Variants in COL9A3 observed in about 807,000 individuals in gnomAD.
COL9A3 encodes the protein collagen type IX alpha 3 chain, also known as collagen alpha-3(IX) chain.
A neutral mutation model predicts 110.2 loss-of-function variants in COL9A3; 82 were observed. The ratio of observed to expected loss-of-function variants is 0.74; its 90% confidence interval spans 0.62 to 0.89. COL9A3 has a LOEUF of 0.89. COL9A3 is among the 40% of genes least tolerant of loss of function. The pLI, the probability that COL9A3 is intolerant of heterozygous loss-of-function variation, is 0.00. For missense variants in COL9A3, 1,066 were observed against 981.3 expected (o/e 1.09, Z -1.15); for synonymous variants, 494 against 403.8 (o/e 1.22, Z -2.68).
At chr20:62,840,235 A>G (rs1283958289) in intron 31 of COL9A3, among the ~76,000 whole-genome samples, 1 of 138,070 alleles carries the variant, frequency 7.2e-6, no homozygotes, top group East Asian at 2.2e-4. Flanking sequence ...CCCCCTGCTC[A>G]CTCCAAATCC....
intron 17 of COL9A3, among the ~76,000 whole-genome samples, chr20:62,828,310 G>C (rs2063570395): frequency 1.3e-5 from 2 of 152,208 alleles, no homozygotes; most frequent in African/African-American, 4.8e-5. Context: ...CCCACCCTCA[G>C]CCCAGACCTG....
At chr20:62,827,864 A>T in intron 16 of COL9A3, 59 bp from the exon 17 acceptor site, 1 of 1,575,726 alleles carries the variant, frequency 6.3e-7, no homozygotes, top group Non-Finnish European at 8.7e-7. Flanking sequence ...TGGCCGGAGA[A>T]TGCGTGAGGC....
intron 12 of COL9A3, 127 bp from the exon 13 acceptor site, chr20:62,825,690 T>G: frequency 1.0e-6 from 1 of 970,044 alleles, no homozygotes; most frequent in Non-Finnish European, 1.6e-6. Context: ...TCACAGAGCC[T>G]CCAAGGCCCA....
chr20:62,840,464 T>C, intron 31 of COL9A3, 78 bp from the exon 32 acceptor site: 1 of 1,333,496 alleles, frequency 7.5e-7, no homozygotes, highest in Non-Finnish European at 1.1e-6. Context: ...AGAGCAGGGC[T>C]TGCCCACAGC....
At chr20:62,831,789 A>G (rs377672707) in intron 24 of COL9A3, 111 of 355,054 alleles carry the variant, frequency 3.1e-4, no homozygotes, top group South Asian at 3.0e-3. Flanking sequence ...ACTCCCAGAC[A>G]TGTCCTCATT....
chr20:62,820,622 G>A (rs913176476), intron 5 of COL9A3, among the ~76,000 whole-genome samples: 3 of 152,216 alleles, frequency 2.0e-5, no homozygotes, highest in Non-Finnish European at 4.4e-5. Context: ...GAAAACAGGA[G>A]GGAAACAGTA....
At chr20:62,830,195 C>T (rs1385674062) in intron 22 of COL9A3, among the ~76,000 whole-genome samples, 165 bp from the exon 23 acceptor site, 1 of 152,084 alleles carries the variant, frequency 6.6e-6, no homozygotes, top group Non-Finnish European at 1.5e-5. Flanking sequence ...CCTAAACTGC[C>T]CTGGGAGGTA....
chr20:62,830,250 G>C, intron 22 of COL9A3, 110 bp from the exon 23 acceptor site: 1 of 1,302,932 alleles, frequency 7.7e-7, no homozygotes, highest in Non-Finnish European at 1.1e-6. Context: ...GCTTAGAACC[G>C]GCTCCTGTGT....
intron 13 of COL9A3, 30 bp downstream of exon 13, chr20:62,825,900 G>A (rs1401604636): frequency 1.3e-6 from 2 of 1,554,056 alleles, no homozygotes; most frequent in African/African-American, 1.4e-5. Flanking sequence ...AGGATGGTGG[G>A]ATGGGAACTC....
At chr20:62,828,053 G>C (rs2063568615) in intron 17 of COL9A3, 77 bp downstream of exon 17, 3 of 1,487,558 alleles carry the variant, frequency 2.0e-6, no homozygotes, top group Non-Finnish European at 2.8e-6. Flanking sequence ...GCATTCAGAA[G>C]GGCTGGAGCT....
chr20:62,821,980 G>A (rs2147201031), intron 8 of COL9A3, 131 bp from the exon 9 acceptor site: 3 of 779,982 alleles, frequency 3.8e-6, no homozygotes, highest in East Asian at 2.5e-5. Context: ...ACCTCAGGAC[G>A]CAGACACCAG....
chr20:62,826,208 C>G lies in COL9A3; in HGVS notation c.689C>G (p.Pro230Arg), dbSNP rs1600797657. 3.8e-6 allele frequency: 6 copies of G among 1,561,332 alleles called. No homozygotes were observed. Among genetic ancestry groups the G allele is most frequent in the Non-Finnish European group, 8.7e-7 (1 of 1,153,368 alleles). Reference sequence around the variant, plus strand: ...ATCTGTGCCTCTCTCTCGCAGGGCCCCCGGGGATTACGAGGACTGCCAGGG... The same window carrying G: ...ATCTGTGCCTCTCTCTCGCAGGGCCGCCGGGGATTACGAGGACTGCCAGGG... Reference protein sequence around the residue: ...GLPGSVGLQGPRGLRGLPGPL... With the variant: ...GLPGSVGLQGRRGLRGLPGPL... Residue 230 changes from proline (P) to arginine (R), a missense_variant, in exon 14 of 32, where the codon CCC becomes CGC. Transcript: ENST00000649368.
At position 62,840,746 on chromosome 20, in the gene COL9A3, G is replaced by A; in HGVS notation, c.*14G>A. On this transcript the variant is annotated 3_prime_UTR_variant, in exon 32 of 32. Transcript: ENST00000649368. The stretch of plus-strand genomic sequence containing the variant: ...CGAAGCTCATAAAATTCAACGTGAG[G>A]AAGCAAGTGACAAGGACGCCCGAAG... The A allele has an allele frequency of 1.3e-6, 2 of 1,556,672 alleles. No homozygotes were observed. Among genetic ancestry groups the A allele is most frequent in the Admixed American group, 1.9e-5 (1 of 51,344 alleles).
rs2063673418 is a variant in COL9A3 at position 62,840,888 on chromosome 20, C to T, written c.*156C>T. The T allele has an allele frequency of 3.9e-6, 3 of 770,946 alleles. No individual in the cohort carries two copies. The highest frequency in any genetic ancestry group is 4.3e-6 in the Non-Finnish European group (2 of 460,242). 47.8% of individuals were successfully genotyped at this position (770,946 alleles called of 1,614,324 possible). A position where few individuals can be genotyped will look rare whatever the true frequency, so the allele number is the denominator to read the frequency against. On this transcript the variant is annotated 3_prime_UTR_variant, in exon 32 of 32. Coordinates refer to ENST00000649368, the MANE Select transcript of COL9A3 (RefSeq NM_001853.4). ...GACGCGCGGGCCTTGCCAGCGAGCACCCTCATCGGGCTGTCGCCTGACAGC... is the reference window on the plus strand; with the variant it reads ...GACGCGCGGGCCTTGCCAGCGAGCATCCTCATCGGGCTGTCGCCTGACAGC...
rs2063602769 is a variant in COL9A3 at position 62,832,277 on chromosome 20, G to A, written c.1323+88G>A. On this transcript the variant is annotated intron_variant, in intron 25 of 31. Transcript: ENST00000649368. ...TCCTCCTGTCCCGGCTCTGGCCCTG[G>A]CTGTGTTTTCGGGACACTGAGCCTC... is the stretch of plus-strand genomic sequence containing the variant. 4 of 1,412,778 alleles carry A rather than the reference G, an allele frequency of 2.8e-6. No homozygotes were observed. The South Asian group carries it at 4.7e-5, about 16-fold the overall frequency. 87.5% of individuals were successfully genotyped at this position (1,412,778 alleles called of 1,614,324 possible). A position where few individuals can be genotyped will look rare whatever the true frequency, so the allele number is the denominator to read the frequency against.
chr20:62,822,304 A>G (rs976123401), intron 9 of COL9A3, 140 bp downstream of exon 9: 44 of 728,536 alleles, frequency 6.0e-5, no homozygotes, highest in African/African-American at 8.7e-5. Flanking sequence ...GGAACAGTCA[A>G]TGGTGGGGGC....
intron 5 of COL9A3, 79 bp downstream of exon 5, chr20:62,820,061 AAGGCCAAGG>A: frequency 6.7e-7 from 1 of 1,501,002 alleles, no homozygotes; most frequent in Non-Finnish European, 9.2e-7. Flanking sequence ...CTGTGTCCAC[AAGGCCAAGG>A]AGCTGGTAGT....
chr20:62,832,914 A>T (rs1477247956), intron 25 of COL9A3, 106 bp from the exon 26 acceptor site: 1 of 1,095,564 alleles, frequency 9.1e-7, no homozygotes, highest in Middle Eastern at 2.0e-4. Context: ...CCTCGACCTT[A>T]AGATGAACAT....
chr20:62,835,397 A>G (rs2063627319), intron 26 of COL9A3, among the ~76,000 whole-genome samples: 1 of 152,178 alleles, frequency 6.6e-6, no homozygotes, highest in Non-Finnish European at 1.5e-5. Flanking sequence ...TTCATGAGGA[A>G]CCCACTGCGG....
Sources: allele counts gnomAD v4.1 joint callset (sites outside exome capture counted in the v4.1 genomes callset), GRCh38; gene constraint gnomAD v4.1.1; transcripts MANE v1.5; gene names NCBI Gene and HGNC (gene_info 2026-07-23, HGNC 2026-07-21).